Variants in ZNF799 observed in about 807,000 individuals in gnomAD.
ZNF799 encodes the protein zinc finger protein 799, also known as zinc finger protein 14.
A neutral mutation model predicts 41.0 loss-of-function variants in ZNF799; 28 were observed. The ratio of observed to expected loss-of-function variants is 0.68; its 90% CI spans 0.51 to 0.94. The LOEUF (loss-of-function observed/expected upper bound fraction) is 0.94, where lower values mean the gene tolerates loss of function less well. ZNF799 is among the 40% of genes least tolerant of loss of function. ZNF799 has a pLI of 0.00. For missense variants in ZNF799, 716 were observed against 764.3 expected, an observed-to-expected ratio of 0.94 and a Z score of 0.74; for synonymous variants, 213 against 252.9, an observed-to-expected ratio of 0.84 and a Z score of 1.50.
chr19:12,414,608 T>C, the ZNF799 span, among the ~76,000 whole-genome samples: 2 of 152,102 alleles, frequency 1.3e-5, no homozygotes, highest in African/African-American at 2.4e-5. Context: ...ACCTTATCTC[T>C]CAATCTACTC....
At chr19:12,400,121 G>C (rs541800346) in intron 1 of ZNF799, among the ~76,000 whole-genome samples, 1 of 152,198 alleles carries the variant, frequency 6.6e-6, no homozygotes, top group Non-Finnish European at 1.5e-5. Context: ...GCCAGCCCTA[G>C]GAGGAGTCAG....
rs567928723 is a variant in ZNF799 at position 12,400,625 on chromosome 19, C to A, written c.3+443G>T. 5.1e-4 allele frequency: 135 copies of A among 263,956 alleles called. No homozygotes were observed. The South Asian group carries it at 8.0e-3, about 16-fold the overall frequency. The allele number at this position is 263,956 out of a possible 1,614,324, so 16.4% of individuals were successfully genotyped here. A position where few individuals can be genotyped will look rare whatever the true frequency, so the allele number is the denominator to read the frequency against. ...CTCCTGTCCCAGGATTCACCCCTCACTTCCCCACCAACCAACGACCCTACA... is the reference window on the plus strand; with the variant it reads ...CTCCTGTCCCAGGATTCACCCCTCAATTCCCCACCAACCAACGACCCTACA... On this transcript the variant is annotated intron_variant, in intron 1 of 3. Transcript: ENST00000430385.
the ZNF799 span, among the ~76,000 whole-genome samples, chr19:12,408,904 AGG>A: frequency 1.3e-5 from 2 of 151,956 alleles, no homozygotes; most frequent in African/African-American, 4.8e-5. Flanking sequence ...GCGTGGTGGC[AGG>A]TACCTGTAAT....
At chr19:12,411,310 T>A in the ZNF799 span, among the ~76,000 whole-genome samples, 1 of 152,112 alleles carries the variant, frequency 6.6e-6, no homozygotes, top group African/African-American at 2.4e-5. Flanking sequence ...TTGAAGTCTA[T>A]AGTAATGAGG....
rs563484991 is a variant in ZNF799 at position 12,394,998 on chromosome 19, T to A, written c.4-1575A>T. The A allele has an allele frequency of 2.1e-5, 9 of 436,412 alleles. No homozygotes were observed. In the Admixed American group the frequency reaches 5.1e-4, roughly 25 times the overall value. 27.0% of individuals were successfully genotyped at this position (436,412 alleles called of 1,614,324 possible). On this transcript the variant is annotated intron_variant, in intron 1 of 3. Transcript: ENST00000430385. ...CAATCCCTCCCCCTATCAATACCAG[T>A]CTTGAACACAGCAGCCTGAGTTCCC...
At chr19:12,401,915 A>T (rs185061283), upstream of ZNF799, among the ~76,000 whole-genome samples, 2 of 152,284 alleles carry the variant, frequency 1.3e-5, no homozygotes, top group East Asian at 3.9e-4. Flanking sequence ...AAAATATTTC[A>T]ATGTACAATT....
At chr19:12,397,428 G>A (rs985876656) in intron 1 of ZNF799, among the ~76,000 whole-genome samples, 37 of 151,586 alleles carry the variant, frequency 2.4e-4, no homozygotes, top group Non-Finnish European at 5.0e-4. Flanking sequence ...AGCCAGGCGT[G>A]GTGGCCTGCA....
chr19:12,414,924 T>C, the ZNF799 span, among the ~76,000 whole-genome samples: 5 of 152,110 alleles, frequency 3.3e-5, no homozygotes, highest in Non-Finnish European at 7.4e-5. Flanking sequence ...GCTTGCACAC[T>C]GTGGAAACAC....
chr19:12,400,839 A>C lies in ZNF799; in HGVS notation c.3+229T>G, dbSNP rs962558357. ...CGAGGCTGCGGGCGCGGAGCTGCCC[A>C]GAGAGGGCGCCGGGGCCGCAGTCGC... On this transcript the variant is annotated intron_variant, in intron 1 of 3. Coordinates refer to ENST00000430385, the MANE Select transcript of ZNF799 (RefSeq NM_001080821.3). 7 of 687,978 alleles carry C rather than the reference A, an allele frequency of 1.0e-5. No individual in the cohort carries two copies. The African/African-American group carries it at 1.3e-4, about 13-fold the overall frequency. 42.6% of individuals were successfully genotyped at this position (687,978 alleles called of 1,614,324 possible). A position where few individuals can be genotyped will look rare whatever the true frequency, so the allele number is the denominator to read the frequency against.
the ZNF799 span, among the ~76,000 whole-genome samples, chr19:12,413,834 C>T: frequency 6.6e-6 from 1 of 152,132 alleles, no homozygotes; most frequent in Non-Finnish European, 1.5e-5. Flanking sequence ...CTCTGCTGTC[C>T]AGGGGAAGGG....
chr19:12,399,213 T>A (rs1969942523), intron 1 of ZNF799, among the ~76,000 whole-genome samples: 2 of 152,176 alleles, frequency 1.3e-5, no homozygotes, highest in African/African-American at 4.8e-5. Context: ...TCCTATCACC[T>A]GGGACATCCC....
intron 1 of ZNF799, among the ~76,000 whole-genome samples, chr19:12,397,814 C>T (rs1366767735): frequency 6.6e-6 from 1 of 151,924 alleles, no homozygotes. Flanking sequence ...CAAGGACTGA[C>T]ACAGTAGAAA....
At chr19:12,404,564 C>G (rs1003817320), upstream of ZNF799, among the ~76,000 whole-genome samples, 1 of 152,166 alleles carries the variant, frequency 6.6e-6, no homozygotes, top group East Asian at 1.9e-4. Flanking sequence ...GCTGGGATTA[C>G]AGGCGTGAGC....
upstream of ZNF799, among the ~76,000 whole-genome samples, chr19:12,404,128 A>T (rs140112479): frequency 1.3e-5 from 2 of 151,964 alleles, no homozygotes; most frequent in Non-Finnish European, 2.9e-5. Context: ...AATTATTTCA[A>T]TTTTTTTGGA....
the ZNF799 span, among the ~76,000 whole-genome samples, chr19:12,413,395 C>G: frequency 1.3e-5 from 2 of 152,242 alleles, no homozygotes; most frequent in African/African-American, 2.4e-5. Flanking sequence ...CTTCCTGGGT[C>G]AATCCTCAAA....
intron 1 of ZNF799, among the ~76,000 whole-genome samples, chr19:12,399,501 T>C (rs576882965): frequency 3.2e-4 from 49 of 151,602 alleles, no homozygotes; most frequent in African/African-American, 1.2e-3. Context: ...AGGAATTATA[T>C]ACCAGAAGAT....
At chr19:12,392,578 T>C (rs1568502058) in intron 3 of ZNF799, 25 bp downstream of exon 3, 2 of 1,558,766 alleles carry the variant, frequency 1.3e-6, no homozygotes, top group Admixed American at 1.7e-5. Context: ...CAGGGACATA[T>C]CTTTCTCTTG....
chr19:12,401,859 C>A (rs1008215776), upstream of ZNF799, among the ~76,000 whole-genome samples: 6 of 152,178 alleles, frequency 3.9e-5, no homozygotes, highest in African/African-American at 1.4e-4. Flanking sequence ...GAGACGTGAG[C>A]CATCGCGCCT....
chr19:12,408,451 T>C, the ZNF799 span, among the ~76,000 whole-genome samples: 16 of 152,220 alleles, frequency 1.1e-4, no homozygotes, highest in East Asian at 2.1e-3. Flanking sequence ...TAGATACCAA[T>C]ATAAAACAAA....
Sources: gnomAD v4.1 joint callset for allele counts (sites outside exome capture counted in the v4.1 genomes callset) on GRCh38, gnomAD v4.1.1 for gene constraint, MANE v1.5 for transcripts, NCBI Gene and HGNC (gene_info 2026-07-23, HGNC 2026-07-21) for gene names.